Variants in LSAMP observed in about 807,000 individuals in gnomAD.
LSAMP encodes the protein limbic system associated membrane protein.
LSAMP carries 7 observed loss-of-function variants against 38.6 expected under a neutral mutation model. The observed-to-expected ratio is 0.18, with a 90% confidence interval of 0.10 to 0.34. LSAMP has a LOEUF of 0.34. LSAMP is among the 10% of genes least tolerant of loss of function. LSAMP has a pLI of 1.00. For synonymous variants in LSAMP, 154 were observed against 166.8 expected, an observed-to-expected ratio of 0.92 and a Z score of 0.59; for missense variants, 313 against 420.0, an observed-to-expected ratio of 0.75 and a Z score of 2.23.
intron 3 of LSAMP, among the ~76,000 whole-genome samples, chr3:115,963,378 T>G (rs963746263): frequency 1.3e-5 from 2 of 152,210 alleles, no homozygotes; most frequent in Non-Finnish European, 2.9e-5. Context: ...TTCTCAGAGG[T>G]GACAAATTGT....
intron 2 of LSAMP, among the ~76,000 whole-genome samples, chr3:116,083,191 G>A (rs937220503): frequency 2.0e-5 from 3 of 152,106 alleles, no homozygotes; most frequent in East Asian, 3.9e-4. Context: ...TAGATTCTGG[G>A]TAGCACCTTA....
At chr3:115,854,347 A>G (rs1170546581) in intron 3 of LSAMP, among the ~76,000 whole-genome samples, 4 of 145,094 alleles carry the variant, frequency 2.8e-5, no homozygotes, top group Middle Eastern at 3.6e-3. Context: ...CAGTGGCACA[A>G]TCTCGGCTCA....
intron 1 of LSAMP, among the ~76,000 whole-genome samples, chr3:116,137,313 A>G (rs1052883266): frequency 2.0e-5 from 3 of 152,062 alleles, no homozygotes; most frequent in African/African-American, 7.2e-5. Context: ...ATCCAGGTGG[A>G]CATCTTTGCA....
intron 3 of LSAMP, among the ~76,000 whole-genome samples, chr3:115,857,465 C>A (rs1307324390): frequency 6.6e-6 from 1 of 152,156 alleles, no homozygotes; most frequent in Non-Finnish European, 1.5e-5. Context: ...TAGACGAGTT[C>A]TATGGCCACA....
intron 1 of LSAMP, among the ~76,000 whole-genome samples, chr3:116,102,025 C>T (rs1708359004): frequency 6.6e-6 from 1 of 152,148 alleles, no homozygotes; most frequent in African/African-American, 2.4e-5. Context: ...TTTGGTCTCA[C>T]AGAACTTTAA....
In LSAMP at chr3:115,864,683, T is replaced by G. The variant is rs189810296; in HGVS notation, c.515-12066A>C. 9.9e-5 allele frequency among the ~76,000 whole-genome samples: 15 copies of G among 152,198 alleles called. No individual in the cohort carries two copies. In the East Asian group the frequency reaches 1.5e-3, roughly 16 times the overall value. ...CCTTTCTCGTGGGGAACTTCTAAGT[T>G]CCCTAGTGTCCTCGCACCACCTCCT... On this transcript the variant is annotated intron_variant, in intron 3 of 6. Coordinates refer to ENST00000490035, the MANE Select transcript of LSAMP (RefSeq NM_002338.5).
chr3:116,378,116 A>G (rs752562174), intron 1 of LSAMP, among the ~76,000 whole-genome samples: 6 of 151,812 alleles, frequency 4.0e-5, no homozygotes, highest in Non-Finnish European at 8.8e-5. Context: ...TCTCCTTCAC[A>G]TTTTTCTCCA....
intron 1 of LSAMP, among the ~76,000 whole-genome samples, chr3:116,440,631 G>T (rs907016974): frequency 1.3e-5 from 2 of 151,940 alleles, no homozygotes; most frequent in African/African-American, 4.8e-5. Context: ...AAGCTCACAG[G>T]TACATAAATA....
chr3:116,385,928 A>G (rs1362280683), intron 1 of LSAMP, among the ~76,000 whole-genome samples: 1 of 152,028 alleles, frequency 6.6e-6, no homozygotes, highest in Non-Finnish European at 1.5e-5. Context: ...CATTACTACT[A>G]CTACTACTAC....
At chr3:116,021,550 T>G (rs778631255) in intron 2 of LSAMP, among the ~76,000 whole-genome samples, 24 of 152,136 alleles carry the variant, frequency 1.6e-4, no homozygotes, top group Non-Finnish European at 3.2e-4. Context: ...ACATACTAGG[T>G]GTCATCCTCA....
At chr3:116,330,497 C>A (rs2047835490) in intron 1 of LSAMP, among the ~76,000 whole-genome samples, 1 of 152,074 alleles carries the variant, frequency 6.6e-6, no homozygotes, top group South Asian at 2.1e-4. Flanking sequence ...GTTGTAAGCC[C>A]CACCTCCTGT....
At chr3:115,915,437 A>C (rs1278326692) in intron 3 of LSAMP, among the ~76,000 whole-genome samples, 12 of 152,148 alleles carry the variant, frequency 7.9e-5, no homozygotes, top group Non-Finnish European at 1.6e-4. Flanking sequence ...TTCCTTTTTT[A>C]TAGATGGGAA....
intron 4 of LSAMP, among the ~76,000 whole-genome samples, chr3:115,847,332 T>C (rs550957941): frequency 6.6e-6 from 1 of 152,304 alleles, no homozygotes; most frequent in South Asian, 2.1e-4. Context: ...ACATTGTCTG[T>C]ATAGAATTTA....
intron 2 of LSAMP, among the ~76,000 whole-genome samples, chr3:116,043,424 G>A (rs1479167987): frequency 2.0e-5 from 3 of 152,100 alleles, no homozygotes. Flanking sequence ...TCTCTACTTT[G>A]CTTGAGGAAG....
chr3:116,253,618 A>T (rs1043521760), intron 1 of LSAMP, among the ~76,000 whole-genome samples: 2 of 152,218 alleles, frequency 1.3e-5, no homozygotes, highest in Admixed American at 6.5e-5. Context: ...GCTAGGCTAC[A>T]AGAAGTCCTG....
rs58599963 is a variant in LSAMP at position 116,180,375 on chromosome 3, ATTT to A, written c.156-93822_156-93820del. Among the ~76,000 whole-genome samples, 801 of 150,732 alleles carry A rather than the reference ATTT, an allele frequency of 5.3e-3. 7 individuals carry two copies. The highest frequency in any genetic ancestry group is 0.017 in the African/African-American group (715 of 41,088). ...GAAGATTTGGATTTTTTTATCCCAG[ATTT>A]TTTTTTTTTTATCATTTTTCTGTTA... is the stretch of plus-strand genomic sequence containing the variant. On this transcript the variant is annotated intron_variant, in intron 1 of 6. Transcript: ENST00000490035.
intron 3 of LSAMP, among the ~76,000 whole-genome samples, chr3:115,976,109 C>T (rs1358934456): frequency 6.6e-6 from 1 of 152,188 alleles, no homozygotes; most frequent in African/African-American, 2.4e-5. Context: ...ATTCCTGTTT[C>T]TTCCCATTTT....
intron 1 of LSAMP, among the ~76,000 whole-genome samples, chr3:116,373,542 G>A (rs2048459296): frequency 6.6e-6 from 1 of 151,690 alleles, no homozygotes; most frequent in African/African-American, 2.4e-5. Context: ...CTAAATGCCA[G>A]CAAACTGTAC....
chr3:115,915,765 TG>T (rs537583856), intron 3 of LSAMP, among the ~76,000 whole-genome samples: 26 of 152,200 alleles, frequency 1.7e-4, no homozygotes, highest in Admixed American at 1.6e-3. Flanking sequence ...CCCAAGTAGC[TG>T]GGACTATAGG....
Sources: gnomAD v4.1 joint callset for allele counts (sites outside exome capture counted in the v4.1 genomes callset) on GRCh38, gnomAD v4.1.1 for gene constraint, MANE v1.5 for transcripts, NCBI Gene and HGNC (gene_info 2026-07-23, HGNC 2026-07-21) for gene names.